The following PCLO variants were observed in gnomAD, a reference collection of about 807,000 sequenced individuals.
PCLO encodes protein piccolo.
PCLO carries 82 observed loss-of-function variants against 427.5 expected under a neutral mutation model. That is an observed-to-expected ratio of 0.19 (90% confidence interval 0.16 to 0.23). The LOEUF is 0.23. Among genes scored for constraint, PCLO ranks in the 10% least tolerant of loss-of-function variants. The pLI, the probability that PCLO is intolerant of heterozygous loss-of-function variation, is 1.00. For synonymous variants in PCLO, 2,357 were observed against 2,155.4 expected (o/e 1.09, Z -2.59); for missense variants, 6,239 against 6,115.9 (o/e 1.02, Z -0.67).
chr7:82,901,982 T>C (rs1414680026), intron 9 of PCLO, among the ~76,000 whole-genome samples: 1 of 151,574 alleles, frequency 6.6e-6, no homozygotes, highest in Non-Finnish European at 1.5e-5. Context: ...TTGGTGGGAC[T>C]GTAAACTAGT....
Position 83,155,393 on chromosome 7 carries a change from C to T in PCLO, c.1248G>A (p.Gly416=). 6.2e-7 allele frequency: 1 copy of T among 1,613,198 alleles called. No individual in the cohort carries two copies. Among genetic ancestry groups the T allele is most frequent in the Non-Finnish European group, 8.5e-7 (1 of 1,179,708 alleles). ...GPAKPPTQQV[G]TPKPLAQQPG... is the part of the protein sequence containing the mutation. ...GTTGTTGAGCTAGGGGTTTTGGTGT[C>T]CCCACCTGCTGGGTTGGAGGCTTTG... is the stretch of plus-strand genomic sequence containing the variant. The change falls in exon 2 of 25, where the codon GGG becomes GGA. Residue 416 remains glycine, a synonymous_variant. Transcript: ENST00000333891.
At chr7:82,811,223 C>T (rs17156712) in intron 20 of PCLO, among the ~76,000 whole-genome samples, 9,069 of 151,534 alleles carry the variant, frequency 0.06, 330 homozygotes, top group East Asian at 0.13. Flanking sequence ...AATGATGGAA[C>T]GGAAATAACT....
At chr7:83,121,975 T>G (rs1189092900) in intron 3 of PCLO, among the ~76,000 whole-genome samples, 1 of 152,156 alleles carries the variant, frequency 6.6e-6, no homozygotes, top group East Asian at 1.9e-4. Context: ...CAAGTGAGAT[T>G]TATCCCAAGA....
intron 9 of PCLO, among the ~76,000 whole-genome samples, chr7:82,883,432 T>C (rs1319689425): frequency 2.6e-5 from 4 of 152,284 alleles, no homozygotes; most frequent in Admixed American, 2.6e-4. Context: ...ATTCAGTTAT[T>C]TCCCTTTTTG....
At chr7:83,024,129 G>C (rs936809071) in intron 3 of PCLO, among the ~76,000 whole-genome samples, 1 of 152,170 alleles carries the variant, frequency 6.6e-6, no homozygotes, top group Non-Finnish European at 1.5e-5. Context: ...GAACAGCTCC[G>C]GTCTACAGCT....
At chr7:82,762,776 T>G (rs77423887) in intron 22 of PCLO, among the ~76,000 whole-genome samples, 4,220 of 152,054 alleles carry the variant, frequency 0.028, 176 homozygotes, top group African/African-American at 0.096. Context: ...GACAACTGCA[T>G]TCTCTTTCTT....
chr7:82,871,112 A>G (rs1793225811), intron 10 of PCLO, among the ~76,000 whole-genome samples: 2 of 152,032 alleles, frequency 1.3e-5, no homozygotes, highest in African/African-American at 4.8e-5. Flanking sequence ...TGCTAGGTAT[A>G]TATCAAAAGA....
chr7:83,153,428 T>C (rs1294799399), intron 2 of PCLO, among the ~76,000 whole-genome samples: 2 of 152,136 alleles, frequency 1.3e-5, no homozygotes, highest in African/African-American at 4.8e-5. Context: ...TGCATCATTT[T>C]TCATAAGTAT....
chr7:82,865,281 A>G (rs1024420450), intron 10 of PCLO, among the ~76,000 whole-genome samples: 2 of 152,138 alleles, frequency 1.3e-5, no homozygotes, highest in African/African-American at 4.8e-5. Flanking sequence ...TGAGATCAGG[A>G]GTTCGAGACC....
At chr7:82,821,582 A>C in intron 20 of PCLO, 8 of 971,830 alleles carry the variant, frequency 8.2e-6, no homozygotes, top group Non-Finnish European at 9.8e-6. Context: ...TGCACATATT[A>C]AGTTTTTATA....
chr7:82,766,198 C>A (rs1226561951), intron 22 of PCLO, among the ~76,000 whole-genome samples: 1 of 151,954 alleles, frequency 6.6e-6, no homozygotes, highest in East Asian at 1.9e-4. Context: ...AGAGTGGCAG[C>A]CTTGGCTTAT....
intron 3 of PCLO, among the ~76,000 whole-genome samples, chr7:83,072,955 T>A (rs1436092869): frequency 2.6e-5 from 4 of 152,010 alleles, no homozygotes. Flanking sequence ...TTTCTCTTTC[T>A]GTCTCTCTGT....
intron 22 of PCLO, among the ~76,000 whole-genome samples, chr7:82,799,389 T>C (rs184594152): frequency 7.9e-5 from 12 of 152,190 alleles, no homozygotes; most frequent in Admixed American, 4.6e-4. Flanking sequence ...AAAATAGAAA[T>C]AGGTAATTTA....
Position 82,954,042 on chromosome 7 carries a change from G to A in PCLO, c.6911C>T (p.Ala2304Val), listed in dbSNP as rs2116444163. Residue 2304 changes from alanine (A) to valine (V), a missense_variant, in exon 5 of 25, where the codon GCC becomes GTC. Coordinates refer to ENST00000333891, the MANE Select transcript of PCLO (RefSeq NM_033026.6). ...LISEKDPVKK[A>V]KKETGNGIIL... The stretch of plus-strand genomic sequence containing the variant: ...GATTCCATTCCCAGTTTCCTTCTTG[G>A]CTTTCTTCACTGGGTCCTTTTCAGA... 6.2e-7 allele frequency: 1 copy of A among 1,613,624 alleles called. No individual in the cohort carries two copies. The highest frequency in any genetic ancestry group is 8.5e-7 in the Non-Finnish European group (1 of 1,179,804).
chr7:82,905,848 A>G (rs1283406337), intron 8 of PCLO, among the ~76,000 whole-genome samples: 1 of 152,050 alleles, frequency 6.6e-6, no homozygotes, highest in Non-Finnish European at 1.5e-5. Context: ...ATTTTATAAT[A>G]GTCAAGAAGT....
chr7:82,795,808 C>G (rs942957359), intron 22 of PCLO, among the ~76,000 whole-genome samples: 1 of 152,118 alleles, frequency 6.6e-6, no homozygotes, highest in African/African-American at 2.4e-5. Flanking sequence ...GATATTTACA[C>G]ATCTTTTGTT....
intron 3 of PCLO, among the ~76,000 whole-genome samples, chr7:83,078,763 T>G (rs894350526): frequency 2.6e-5 from 4 of 152,074 alleles, no homozygotes; most frequent in African/African-American, 7.2e-5. Context: ...CGCGAATTCC[T>G]GAGCTCTGGC....
At chr7:82,841,573 G>T in intron 13 of PCLO, 64 bp from the exon 14 acceptor site, 2 of 1,027,524 alleles carry the variant, frequency 1.9e-6, no homozygotes, top group Non-Finnish European at 3.0e-6. Flanking sequence ...TATCATTTCG[G>T]CTTCCTTCTG....
At chr7:82,812,773 T>G (rs975876268) in intron 20 of PCLO, among the ~76,000 whole-genome samples, 14 of 151,532 alleles carry the variant, frequency 9.2e-5, no homozygotes, top group Non-Finnish European at 1.3e-4. Flanking sequence ...TTGAGCTACA[T>G]CAAATTTTCA....
Sources: allele counts gnomAD v4.1 joint callset (sites outside exome capture counted in the v4.1 genomes callset), GRCh38; gene constraint gnomAD v4.1.1; transcripts MANE v1.5; gene names NCBI Gene and HGNC (gene_info 2026-07-23, HGNC 2026-07-21).